CNTN5: variants seen among roughly 807,000 people sequenced by gnomAD.
CNTN5 encodes the protein contactin 5, also known as contactin-5.
Under a neutral mutation model 129.1 loss-of-function variants are expected in CNTN5, and 77 were observed. The ratio of observed to expected loss-of-function variants is 0.60; its 90% CI spans 0.50 to 0.72. CNTN5 has a LOEUF of 0.72. CNTN5 is among the 30% of genes least tolerant of loss of function. The pLI is 0.00. For synonymous variants in CNTN5, 509 were observed against 465.6 expected, an observed-to-expected ratio of 1.09 and a Z score of -1.20; for missense variants, 1,478 against 1,328.8, an observed-to-expected ratio of 1.11 and a Z score of -1.75.
intron 13 of CNTN5, among the ~76,000 whole-genome samples, chr11:100,099,896 G>C (rs1945161024): frequency 6.6e-6 from 1 of 151,834 alleles, no homozygotes; most frequent in South Asian, 2.1e-4. Flanking sequence ...ATATCCAGTA[G>C]GCACTCTGTC....
At chr11:100,182,985 G>C (rs1354197875) in intron 13 of CNTN5, among the ~76,000 whole-genome samples, 2 of 151,894 alleles carry the variant, frequency 1.3e-5, no homozygotes, top group East Asian at 3.9e-4. Flanking sequence ...GCTCACCAAA[G>C]ACAATATGCA....
At chr11:99,815,117 A>T (rs894615632) in intron 3 of CNTN5, among the ~76,000 whole-genome samples, 4 of 152,132 alleles carry the variant, frequency 2.6e-5, no homozygotes, top group Non-Finnish European at 2.9e-5. Flanking sequence ...GGAGATTATA[A>T]TTCAAGATGG....
At chr11:100,132,155 T>C (rs1591295530) in intron 13 of CNTN5, among the ~76,000 whole-genome samples, 1 of 152,226 alleles carries the variant, frequency 6.6e-6, no homozygotes, top group South Asian at 2.1e-4. Flanking sequence ...GTTGACCTCA[T>C]TAGACAACTT....
At chr11:99,803,518 A>T (rs1273134174) in intron 3 of CNTN5, among the ~76,000 whole-genome samples, 1 of 152,210 alleles carries the variant, frequency 6.6e-6, no homozygotes, top group Non-Finnish European at 1.5e-5. Context: ...ATGTGCCCAG[A>T]TTAAAAATGG....
chr11:99,282,927 A>ATT (rs746905953), intron 1 of CNTN5, among the ~76,000 whole-genome samples: 1 of 152,080 alleles, frequency 6.6e-6, no homozygotes. Flanking sequence ...ATCCCCAATC[A>ATT]AATGGAAGAA....
chr11:99,134,734 A>T (rs1254566296), intron 1 of CNTN5, among the ~76,000 whole-genome samples: 1 of 146,946 alleles, frequency 6.8e-6, no homozygotes, highest in East Asian at 2.4e-4. Flanking sequence ...AAATTATAGC[A>T]ACCATCAAAC....
intron 6 of CNTN5, among the ~76,000 whole-genome samples, chr11:99,891,721 A>G (rs1316316306): frequency 6.6e-6 from 1 of 152,142 alleles, no homozygotes; most frequent in Non-Finnish European, 1.5e-5. Flanking sequence ...TTCTTAATCC[A>G]GTCTATCATT....
intron 1 of CNTN5, among the ~76,000 whole-genome samples, chr11:99,238,352 AG>A (rs1861381910): frequency 6.6e-6 from 1 of 152,166 alleles, no homozygotes; most frequent in Admixed American, 6.5e-5. Context: ...TAAATTAGAG[AG>A]AATCGATTGG....
At chr11:99,912,645 G>T (rs1472929399) in intron 6 of CNTN5, among the ~76,000 whole-genome samples, 2 of 142,208 alleles carry the variant, frequency 1.4e-5, no homozygotes, top group African/African-American at 5.2e-5. Flanking sequence ...GTTTTTCATA[G>T]TTTTTTTTTT....
intron 1 of CNTN5, among the ~76,000 whole-genome samples, chr11:99,311,681 CT>C (rs1214204487): frequency 4.6e-5 from 7 of 151,962 alleles, no homozygotes; most frequent in African/African-American, 1.7e-4. Context: ...TGAAATAAGC[CT>C]TTTTAAAAAG....
At chr11:99,908,675 C>A (rs1287678082) in intron 6 of CNTN5, among the ~76,000 whole-genome samples, 2 of 151,972 alleles carry the variant, frequency 1.3e-5, no homozygotes, top group African/African-American at 2.4e-5. Context: ...GATTAGTTAT[C>A]ATTTGTATTA....
chr11:99,881,755 A>G (rs1455864663), intron 6 of CNTN5, among the ~76,000 whole-genome samples: 3 of 152,170 alleles, frequency 2.0e-5, no homozygotes. Flanking sequence ...GTTTTCGGTC[A>G]TTACTATGAT....
At chr11:100,355,680 C>T (rs1952506538) in intron 24 of CNTN5, among the ~76,000 whole-genome samples, 1 of 151,638 alleles carries the variant, frequency 6.6e-6, no homozygotes, top group Non-Finnish European at 1.5e-5. Context: ...ATAATAATCT[C>T]AGGGGGCCAC....
chr11:99,699,053 A>G (rs1954400997), intron 3 of CNTN5, among the ~76,000 whole-genome samples: 1 of 151,456 alleles, frequency 6.6e-6, no homozygotes, highest in Non-Finnish European at 1.5e-5. Flanking sequence ...ATAAAGGTAG[A>G]TCATGGTATA....
At chr11:99,698,318 CTAGAG>C (rs1449728646) in intron 3 of CNTN5, among the ~76,000 whole-genome samples, 3 of 150,810 alleles carry the variant, frequency 2.0e-5, no homozygotes, top group Non-Finnish European at 4.4e-5. Flanking sequence ...TTTAAAATGT[CTAGAG>C]AAGAGAAGAA....
At chr11:99,817,806 A>G (rs556433734) in intron 3 of CNTN5, among the ~76,000 whole-genome samples, 2 of 152,020 alleles carry the variant, frequency 1.3e-5, no homozygotes, top group South Asian at 4.2e-4. Context: ...CTTTATGTCT[A>G]CCCATAATCT....
intron 15 of CNTN5, among the ~76,000 whole-genome samples, chr11:100,210,143 C>T (rs1481233495): frequency 2.7e-5 from 4 of 147,110 alleles, no homozygotes; most frequent in African/African-American, 5.1e-5. Context: ...CGAGATCAGC[C>T]TGGGCAACAC....
At chr11:99,399,088 G>A (rs1252583415) in intron 2 of CNTN5, among the ~76,000 whole-genome samples, 2 of 151,130 alleles carry the variant, frequency 1.3e-5, no homozygotes, top group Non-Finnish European at 2.9e-5. Flanking sequence ...ATTCATCTGA[G>A]ACAGCATTTA....
chr11:99,637,703 T>C (rs1012785437), intron 3 of CNTN5, among the ~76,000 whole-genome samples: 2 of 152,014 alleles, frequency 1.3e-5, no homozygotes, highest in African/African-American at 4.8e-5. Context: ...CAAAAATATA[T>C]AACTATTTAT....
Sources: gnomAD v4.1 joint callset for allele counts (sites outside exome capture counted in the v4.1 genomes callset) on GRCh38, gnomAD v4.1.1 for gene constraint, MANE v1.5 for transcripts, NCBI Gene and HGNC (gene_info 2026-07-23, HGNC 2026-07-21) for gene names.